KYNU: variants seen among roughly 807,000 people sequenced by gnomAD.
KYNU encodes the protein kynureninase, also known as L-kynurenine hydrolase.
Under a neutral mutation model 59.2 loss-of-function variants are expected in KYNU, and 54 were observed. The observed-to-expected ratio is 0.91, with a 90% CI of 0.73 to 1.14. The LOEUF (loss-of-function observed/expected upper bound fraction) is 1.14. Ranked by LOEUF, KYNU falls within the 50% of genes most tolerant of loss-of-function variation. The probability of loss-of-function intolerance (pLI) is 0.00; values close to 1 mark genes in which losing one functional copy is unlikely to be tolerated. For missense variants in KYNU, 567 were observed against 554.4 expected (o/e 1.02, Z -0.23); for synonymous variants, 177 against 192.0 (o/e 0.92, Z 0.65).
At chr2:142,894,542 A>G (rs1035008785) in intron 2 of KYNU, among the ~76,000 whole-genome samples, 2 of 152,168 alleles carry the variant, frequency 1.3e-5, no homozygotes, top group African/African-American at 4.8e-5. Flanking sequence ...CAAGAAACAT[A>G]ACATTGCCAG....
chr2:143,026,487 G>A (rs143500865), intron 10 of KYNU, among the ~76,000 whole-genome samples: 66 of 152,372 alleles, frequency 4.3e-4, no homozygotes, highest in Admixed American at 2.4e-3. Context: ...ACGAGTACGG[G>A]AGCTGGAATG....
At chr2:142,958,384 G>A (rs77387032) in intron 7 of KYNU, among the ~76,000 whole-genome samples, 13,018 of 152,138 alleles carry the variant, frequency 0.086, 852 homozygotes, top group East Asian at 0.33. Flanking sequence ...GAGATAAAAG[G>A]CTCACAGACT....
At chr2:142,879,266 G>A (rs1017209806) in intron 1 of KYNU, among the ~76,000 whole-genome samples, 5 of 152,168 alleles carry the variant, frequency 3.3e-5, no homozygotes, top group Admixed American at 1.3e-4. Flanking sequence ...GAGACCATGC[G>A]AAGTTGTGCA....
At chr2:142,913,590 T>C (rs1682575269) in intron 2 of KYNU, among the ~76,000 whole-genome samples, 1 of 152,216 alleles carries the variant, frequency 6.6e-6, no homozygotes, top group South Asian at 2.1e-4. Context: ...TTTGAATTTA[T>C]TGAGACTTGC....
chr2:142,908,920 C>A (rs376965623), intron 2 of KYNU, among the ~76,000 whole-genome samples: 1 of 152,330 alleles, frequency 6.6e-6, no homozygotes, highest in Non-Finnish European at 1.5e-5. Flanking sequence ...AGGTGTGAGA[C>A]ACCGTGCCCA....
intron 2 of KYNU, among the ~76,000 whole-genome samples, chr2:142,905,568 C>T (rs767184773): frequency 6.6e-6 from 1 of 152,162 alleles, no homozygotes; most frequent in Non-Finnish European, 1.5e-5. Context: ...GTTAAATCAC[C>T]GTTTTCTAAT....
chr2:142,989,004 C>A, intron 10 of KYNU: 2 of 886,802 alleles, frequency 2.3e-6, no homozygotes, highest in East Asian at 2.5e-5. Context: ...TTTTATTCAC[C>A]TGAAAATCAA....
At chr2:143,012,797 T>C (rs1426317623) in intron 10 of KYNU, among the ~76,000 whole-genome samples, 1 of 152,204 alleles carries the variant, frequency 6.6e-6, no homozygotes, top group Non-Finnish European at 1.5e-5. Flanking sequence ...ATTGGAGTTC[T>C]GGACTTGTTC....
intron 10 of KYNU, among the ~76,000 whole-genome samples, chr2:142,990,222 G>C (rs1439058133): frequency 6.6e-6 from 1 of 151,824 alleles, no homozygotes; most frequent in Non-Finnish European, 1.5e-5. Context: ...CTTCAAGGTA[G>C]ACTTTAATTC....
chr2:142,943,652 G>C (rs1365123451), intron 4 of KYNU, among the ~76,000 whole-genome samples: 1 of 152,088 alleles, frequency 6.6e-6, no homozygotes, highest in African/African-American at 2.4e-5. Flanking sequence ...CACAGCGTTA[G>C]CTACATGCAT....
At chr2:142,993,303 T>C (rs1160442332) in intron 10 of KYNU, among the ~76,000 whole-genome samples, 1 of 152,054 alleles carries the variant, frequency 6.6e-6, no homozygotes, top group African/African-American at 2.4e-5. Context: ...ATTGGAGTTA[T>C]TGACTTAACA....
At chr2:142,886,282 A>G (rs1393809886) in intron 2 of KYNU, among the ~76,000 whole-genome samples, 1 of 152,192 alleles carries the variant, frequency 6.6e-6, no homozygotes, top group Admixed American at 6.5e-5. Context: ...TTCCATTTTT[A>G]TTCAGATTAA....
chr2:143,000,434 T>C (rs571229732), intron 10 of KYNU, among the ~76,000 whole-genome samples: 1 of 152,318 alleles, frequency 6.6e-6, no homozygotes, highest in South Asian at 2.1e-4. Flanking sequence ...CTATTGATCT[T>C]ACTCTTATTG....
intron 3 of KYNU, among the ~76,000 whole-genome samples, chr2:142,925,565 C>T (rs1683021915): frequency 6.6e-6 from 1 of 152,166 alleles, no homozygotes; most frequent in African/African-American, 2.4e-5. Flanking sequence ...CATATTGTTA[C>T]CCATTTACTT....
intron 2 of KYNU, among the ~76,000 whole-genome samples, chr2:142,893,324 G>A (rs923673037): frequency 5.3e-5 from 8 of 152,160 alleles, no homozygotes; most frequent in East Asian, 1.9e-4. Context: ...GGAAAGTGTC[G>A]TGTTCTAAAA....
At chr2:142,938,605 A>G (rs1337253813) in intron 4 of KYNU, among the ~76,000 whole-genome samples, 2 of 152,242 alleles carry the variant, frequency 1.3e-5, no homozygotes, top group African/African-American at 4.8e-5. Flanking sequence ...TTCACTATGC[A>G]CAGAGAAACC....
rs926430546 is a variant in KYNU at position 143,043,596 on chromosome 2, A to G, written c.*1424A>G. 2.0e-5 allele frequency: 3 copies of G among 151,628 alleles called. No homozygotes were observed. The highest frequency in any genetic ancestry group is 4.4e-5 in the Non-Finnish European group (3 of 67,894). 9.4% of individuals were successfully genotyped at this position (151,628 alleles called of 1,614,324 possible). ...TACCATGTATTGTGCTACATTACTC[A>G]TGTTATCTCCCTTAATTGAGTGGCT... On this transcript the variant is annotated 3_prime_UTR_variant, in exon 14 of 14. Transcript: ENST00000264170.
intron 12 of KYNU, among the ~76,000 whole-genome samples, chr2:143,036,528 G>A (rs1233349233): frequency 2.0e-5 from 3 of 152,176 alleles, no homozygotes; most frequent in Non-Finnish European, 4.4e-5. Flanking sequence ...ATGCTGCTTG[G>A]ACCAGTATAA....
chr2:143,009,575 T>C (rs1165029663), intron 10 of KYNU, among the ~76,000 whole-genome samples: 1 of 56,612 alleles, frequency 1.8e-5, no homozygotes, highest in Non-Finnish European at 2.9e-5. Context: ...CCAGCATCAT[T>C]CTGATACCAA....
Sources: gnomAD v4.1 joint callset for allele counts (sites outside exome capture counted in the v4.1 genomes callset) on GRCh38, gnomAD v4.1.1 for gene constraint, MANE v1.5 for transcripts, NCBI Gene and HGNC (gene_info 2026-07-23, HGNC 2026-07-21) for gene names.